FER1L5: variants seen among roughly 807,000 people sequenced by gnomAD.
FER1L5 encodes the protein fer-1-like protein 5.
Under a neutral mutation model 279.9 loss-of-function variants are expected in FER1L5, and 187 were observed. That is an observed-to-expected ratio of 0.67 (90% CI 0.59 to 0.75). The LOEUF is 0.75. Ranked by LOEUF, FER1L5 falls within the 30% of genes least tolerant of loss-of-function variation. The pLI, the probability that FER1L5 is intolerant of heterozygous loss-of-function variation, is 0.00. For synonymous variants in FER1L5, 921 were observed against 989.7 expected (o/e 0.93, Z 1.30); for missense variants, 2,091 against 2,594.4 (o/e 0.81, Z 4.21).
At chr2:96,652,618 C>G (rs956795141) in intron 7 of FER1L5, 2 of 157,854 alleles carry the variant, frequency 1.3e-5, no homozygotes, top group African/African-American at 4.8e-5. Flanking sequence ...AAGCAAGCCG[C>G]AGACTTGACA....
At chr2:96,643,014 A>C in intron 1 of FER1L5, 93 bp downstream of exon 1, 1 of 1,065,544 alleles carries the variant, frequency 9.4e-7, no homozygotes, top group Non-Finnish European at 1.3e-6. Context: ...CCCACTACAT[A>C]AAAGATGCCC....
At chr2:96,675,625 C>G (rs748009026) in intron 19 of FER1L5, among the ~76,000 whole-genome samples, 5 of 152,132 alleles carry the variant, frequency 3.3e-5, no homozygotes, top group Non-Finnish European at 7.3e-5. Context: ...TGGGGTTTTG[C>G]CATGTTGGCC....
At position 96,699,733 on chromosome 2, in the gene FER1L5, C is replaced by T; in HGVS notation, c.4781+13C>T. The stretch of plus-strand genomic sequence containing the variant: ...AATCCTACTGCCAGTGAGAGTGGGC[C>T]CGTCTGGGGGAAGGGAGTCAGGTGG... On this transcript the variant is annotated intron_variant, in intron 43 of 52. Transcript: ENST00000624922. 6.2e-7 allele frequency: 1 copy of T among 1,613,446 alleles called. No homozygotes were observed. Among genetic ancestry groups the T allele is most frequent in the Non-Finnish European group, 8.5e-7 (1 of 1,179,568 alleles).
rs370941807 is a variant in FER1L5, at chr2:96,696,007, C to A, written c.4058-45C>A. 3 of 1,612,402 alleles carry A rather than the reference C, an allele frequency of 1.9e-6. No homozygotes were observed. In the African/African-American group the frequency reaches 4.0e-5, roughly 22 times the overall value. On this transcript the variant is annotated intron_variant, in intron 36 of 52. Coordinates refer to ENST00000624922, the MANE Select transcript of FER1L5 (RefSeq NM_001293083.2). ...CGTGGGGTTGGTGCTTCCTCCTCAG[C>A]CCTCTCCCCATCCTGAGACTCGTCC...
intron 19 of FER1L5, 112 bp from the exon 20 acceptor site, chr2:96,684,215 C>T: frequency 2.2e-6 from 3 of 1,376,690 alleles, no homozygotes; most frequent in South Asian, 3.0e-5. Flanking sequence ...GTTAGCAGGT[C>T]ACATCTTTGA....
At chr2:96,692,070 G>C (rs766819508) in intron 30 of FER1L5, 34 bp from the exon 31 acceptor site, 2 of 1,551,074 alleles carry the variant, frequency 1.3e-6, no homozygotes, top group East Asian at 2.4e-5. Context: ...TGGGGTCCTG[G>C]GGCAGGTGAC....
At chr2:96,682,687 T>G (rs1401201103) in intron 19 of FER1L5, among the ~76,000 whole-genome samples, 3 of 152,214 alleles carry the variant, frequency 2.0e-5, no homozygotes, top group Non-Finnish European at 4.4e-5. Context: ...TTATTTTTAT[T>G]TATTTATTTA....
chr2:96,693,723 C>A (rs2077246727), intron 32 of FER1L5, 36 bp downstream of exon 32: 1 of 1,539,834 alleles, frequency 6.5e-7, no homozygotes, highest in Non-Finnish European at 8.8e-7. Flanking sequence ...GGAAGAGGAC[C>A]TACCTCACAG....
chr2:96,647,790 G>T lies in FER1L5; in HGVS notation c.243G>T (p.Leu81=), dbSNP rs756355909. 1 of 1,551,512 alleles carries T rather than the reference G, an allele frequency of 6.4e-7. No homozygotes were observed. Among genetic ancestry groups the T allele is most frequent in the South Asian group, 1.2e-5 (1 of 84,044 alleles). ...GSQKKERFIG[L]ATVLLKPLLK... ...CTTGTCTCCCCAGATTCATTGGCCT[G>T]GCCACAGTACTGCTCAAGCCATTGT... The change falls in exon 4 of 53, where the codon CTG becomes CTT. Residue 81 remains leucine, a synonymous_variant. Coordinates refer to ENST00000624922, the MANE Select transcript of FER1L5 (RefSeq NM_001293083.2).
intron 9 of FER1L5, among the ~76,000 whole-genome samples, chr2:96,659,064 G>A (rs190693195): frequency 1.3e-4 from 19 of 151,642 alleles, no homozygotes; most frequent in Admixed American, 2.6e-4. Context: ...TCCTGCCTCA[G>A]CCTCCTACAG....
Position 96,687,864 on chromosome 2 carries a change from G to A in FER1L5, c.2278G>A (p.Val760Ile), listed in dbSNP as rs2076990079. The A allele has an allele frequency of 1.9e-6, 3 of 1,551,220 alleles. No individual in the cohort carries two copies. Among genetic ancestry groups the A allele is most frequent in the Non-Finnish European group, 1.7e-6 (2 of 1,146,984 alleles). ...GGATGTGCTCCCAGCTCACCTCCGG[G>A]TCTGCATGTGGCTTGGCAATGTCAC... ...QKDVLPAHLR[V>I]CMWLGNVTDS... The change falls in exon 24 of 53, where the codon GTC becomes ATC. Residue 760 changes from valine (V) to isoleucine (I), a missense_variant. Transcript: ENST00000624922.
chr2:96,659,481 C>CTTTCTTTCTTTCTTTCTTTCTTTA, intron 9 of FER1L5, among the ~76,000 whole-genome samples: 1 of 31,388 alleles, frequency 3.2e-5, no homozygotes, highest in East Asian at 7.9e-4. Flanking sequence ...TTCTTTCTTT[C>CTTTCTTTCTTTCTTTCTTTCTTTA]TTTCTTTCTT....
chr2:96,675,122 G>T (rs551285450), intron 19 of FER1L5, among the ~76,000 whole-genome samples: 3 of 152,244 alleles, frequency 2.0e-5, no homozygotes, highest in Admixed American at 6.5e-5. Flanking sequence ...TATGTGTACT[G>T]CAGTTCATTT....
rs548215862 is a variant in FER1L5 at position 96,663,375 on chromosome 2, A to G, written c.1072-64A>G. 53 of 1,453,088 alleles carry G rather than the reference A, an allele frequency of 3.6e-5. No homozygotes were observed. In the East Asian group the frequency reaches 1.2e-3, roughly 33 times the overall value. 90.0% of individuals were successfully genotyped at this position (1,453,088 alleles called of 1,614,324 possible). On this transcript the variant is annotated intron_variant, in intron 13 of 52. Transcript: ENST00000624922. The stretch of plus-strand genomic sequence containing the variant: ...TGGGAGGCTGGACAGGAAGAGCTGG[A>G]AGGTGAGGTCAGTGGAGGGAGGAGG...
chr2:96,698,611 G>A lies in FER1L5; in HGVS notation c.4357-60G>A. ...AACATGGGCTGGGGCACCTCCCAGA[G>A]GGCTTTACAGAGCTGGCCAGCACTG... On this transcript the variant is annotated intron_variant, in intron 40 of 52. Coordinates refer to ENST00000624922, the MANE Select transcript of FER1L5 (RefSeq NM_001293083.2). The surrounding 1 kb of genome is among the most constrained non-coding windows in gnomAD (Gnocchi z 5.5). 1 of 1,429,004 alleles carries A rather than the reference G, an allele frequency of 7.0e-7. No individual in the cohort carries two copies. Among genetic ancestry groups the A allele is most frequent in the Non-Finnish European group, 9.6e-7 (1 of 1,041,378 alleles). The allele number at this position is 1,429,004 out of a possible 1,614,324, so 88.5% of individuals were successfully genotyped here.
chr2:96,659,449 C>CTTTCTTTCTTTCT (rs2075833538), intron 9 of FER1L5, among the ~76,000 whole-genome samples: 1 of 31,580 alleles, frequency 3.2e-5, no homozygotes, highest in Non-Finnish European at 5.4e-5. Context: ...TTCTTTCTTT[C>CTTTCTTTCTTTCT]TTTCTTTCTT....
At chr2:96,664,165 G>A (rs1219932793) in intron 14 of FER1L5, among the ~76,000 whole-genome samples, 1 of 151,170 alleles carries the variant, frequency 6.6e-6, no homozygotes, top group East Asian at 1.9e-4. Context: ...AAGGAGAGAG[G>A]GAGGGAAGGA....
chr2:96,659,184 C>T (rs1364270313), intron 9 of FER1L5, among the ~76,000 whole-genome samples: 1 of 151,982 alleles, frequency 6.6e-6, no homozygotes, highest in Admixed American at 6.6e-5. Context: ...CCGCCTGCCT[C>T]AGCCTCCCAA....
intron 6 of FER1L5, 37 bp from the exon 7 acceptor site, chr2:96,651,855 G>A (rs1384847413): frequency 6.4e-7 from 1 of 1,551,552 alleles, no homozygotes; most frequent in African/African-American, 1.4e-5. Context: ...GCTACAGAAG[G>A]CCCTCAATAT....
Sources: gnomAD v4.1 joint callset for allele counts (sites outside exome capture counted in the v4.1 genomes callset) on GRCh38, gnomAD v4.1.1 for gene constraint, Gnocchi (gnomAD v3.1) non-coding constraint, MANE v1.5 for transcripts, NCBI Gene and HGNC (gene_info 2026-07-23, HGNC 2026-07-21) for gene names.